Variants in RAB3IP observed in about 807,000 individuals in gnomAD.
The protein encoded by RAB3IP is rab-3A-interacting protein.
RAB3IP carries 36 observed loss-of-function variants against 59.1 expected under a neutral mutation model. That is an observed-to-expected ratio of 0.61 (90% CI 0.47 to 0.80). The LOEUF is 0.80. RAB3IP is among the 30% of genes least tolerant of loss of function. The pLI is 0.00. For missense variants in RAB3IP, 511 were observed against 536.0 expected, an observed-to-expected ratio of 0.95 and a Z score of 0.46; for synonymous variants, 207 against 191.2, an observed-to-expected ratio of 1.08 and a Z score of -0.68.
At chr12:69,766,037 G>T (rs1327185585) in intron 3 of RAB3IP, among the ~76,000 whole-genome samples, 1 of 152,170 alleles carries the variant, frequency 6.6e-6, no homozygotes. Context: ...CCATTTGTAT[G>T]TGATTATGTA....
In RAB3IP at chr12:69,815,540, C is replaced by G; in HGVS notation, c.*94C>G. 1 of 915,298 alleles carries G rather than the reference C, an allele frequency of 1.1e-6. No individual in the cohort carries two copies. The highest frequency in any genetic ancestry group is 2.5e-5 in the East Asian group (1 of 40,230). 56.7% of individuals were successfully genotyped at this position (915,298 alleles called of 1,614,324 possible). ...TTGATATTTATTTCCAAGGAGTGAG[C>G]CTAAGACTTTTTTCCCCTTTTGCAA... On this transcript the variant is annotated 3_prime_UTR_variant, in exon 11 of 11. Transcript: ENST00000247833.
At chr12:69,768,507 G>A (rs1188713111) in intron 3 of RAB3IP, among the ~76,000 whole-genome samples, 1 of 152,138 alleles carries the variant, frequency 6.6e-6, no homozygotes, top group Non-Finnish European at 1.5e-5. Context: ...GAAAGGTGGG[G>A]CTGCTCAGGC....
At chr12:69,797,821 G>A (rs1294213077) in intron 6 of RAB3IP, among the ~76,000 whole-genome samples, 5 of 151,928 alleles carry the variant, frequency 3.3e-5, no homozygotes, top group South Asian at 2.1e-4. Context: ...ATGATTTCCA[G>A]TTTCATCCAT....
chr12:69,750,734 T>C (rs1869142338), intron 1 of RAB3IP, among the ~76,000 whole-genome samples: 1 of 151,774 alleles, frequency 6.6e-6, no homozygotes, highest in Non-Finnish European at 1.5e-5. Context: ...TTCTTTTTTT[T>C]TTTTTTCTTA....
chr12:69,795,512 C>A, intron 6 of RAB3IP, 168 bp downstream of exon 6: 1 of 613,466 alleles, frequency 1.6e-6, no homozygotes, highest in Admixed American at 2.9e-5. Flanking sequence ...TTCTTCAGTT[C>A]CATTTTCTAC....
rs772832674 is a variant in RAB3IP, at chr12:69,756,399, T to C, written c.252-6T>C. On this transcript the variant is annotated splice_region_variant and splice_polypyrimidine_tract_variant and intron_variant, in intron 2 of 10. Transcript: ENST00000247833. ...ATTTTCTGAAAAATGTCTCTCTCCT[T>C]TACAGCTTTCATGTTACAGACCCAG... The C allele has an allele frequency of 6.2e-7, 1 of 1,612,990 alleles. No homozygotes were observed. The highest frequency in any genetic ancestry group is 8.5e-7 in the Non-Finnish European group (1 of 1,179,604).
At position 69,815,345 on chromosome 12, in the gene RAB3IP, C is replaced by CTTTTT. The variant is rs1565937749; in HGVS notation, c.1301-18_1301-17insTTTTT. On this transcript the variant is annotated intron_variant, in intron 10 of 10. Coordinates refer to ENST00000247833, the MANE Select transcript of RAB3IP (RefSeq NM_022456.5). ...ATGGTATTTTATGATTTAAATATCTCTCTTTTCTGTTTGTATAGTTGATCA... is the reference window on the plus strand; with the variant it reads ...ATGGTATTTTATGATTTAAATATCTCTTTTTTCTTTTCTGTTTGTATAGTTGATCA... The CTTTTT allele has an allele frequency of 6.5e-7, 1 of 1,533,552 alleles. No homozygotes were observed. Among genetic ancestry groups the CTTTTT allele is most frequent in the African/African-American group, 1.4e-5 (1 of 73,174 alleles). 95.0% of individuals were successfully genotyped at this position (1,533,552 alleles called of 1,614,324 possible).
chr12:69,794,327 C>T, intron 4 of RAB3IP, 110 bp from the exon 5 acceptor site: 2 of 795,864 alleles, frequency 2.5e-6, no homozygotes, highest in East Asian at 5.1e-5. Context: ...TACTTAACTT[C>T]AGGCTAACTT....
At position 69,763,639 on chromosome 12, in the gene RAB3IP, G is replaced by A. The variant is rs140122821; in HGVS notation, c.510+6976G>A. ...TCTTCAACTTTTATTTTAAATTTAG[G>A]GGGTATATGTGCAGGTATATTACCT... On this transcript the variant is annotated intron_variant, in intron 3 of 10. Coordinates refer to ENST00000247833, the MANE Select transcript of RAB3IP (RefSeq NM_022456.5). Among the ~76,000 whole-genome samples the A allele has an allele frequency of 4.1e-4, 63 of 151,998 alleles. 1 individual carries two copies. The highest frequency in any genetic ancestry group is 1.5e-3 in the African/African-American group (61 of 41,402).
At chr12:69,739,894 C>T in intron 1 of RAB3IP, 3 of 1,612,884 alleles carry the variant, frequency 1.9e-6, no homozygotes, top group South Asian at 1.1e-5. Context: ...GACACGAGCG[C>T]TGAGTTAGTT....
At chr12:69,797,539 A>G (rs1480535966) in intron 6 of RAB3IP, among the ~76,000 whole-genome samples, 1 of 33,356 alleles carries the variant, frequency 3.0e-5, no homozygotes, top group Non-Finnish European at 6.3e-5. Flanking sequence ...AATTATTGTT[A>G]TACTTTAAGT....
rs371305669 is a variant in RAB3IP, at chr12:69,789,524, C to T, written c.606+4709C>T. Among the ~76,000 whole-genome samples the T allele has an allele frequency of 8.5e-5, 13 of 152,190 alleles. No homozygotes were observed. In the East Asian group the frequency reaches 1.3e-3, roughly 16 times the overall value. Reference sequence around the variant, plus strand: ...ATTCTACCAACATTCAAAGAAGAATCAGTGCCAATTCTTTTTACACTCTTA... The same window carrying T: ...ATTCTACCAACATTCAAAGAAGAATTAGTGCCAATTCTTTTTACACTCTTA... On this transcript the variant is annotated intron_variant, in intron 4 of 10. Coordinates refer to ENST00000247833, the MANE Select transcript of RAB3IP (RefSeq NM_022456.5).
Position 69,815,612 on chromosome 12 carries a change from T to C in RAB3IP, c.*166T>C, listed in dbSNP as rs1013355743. On this transcript the variant is annotated 3_prime_UTR_variant, in exon 11 of 11. Transcript: ENST00000247833. Reference sequence around the variant, plus strand: ...ATTTCTTTTAAACTGATCTATGCTGTGTTTGCTTATTCTTTAGTTGAACAC... The same window carrying C: ...ATTTCTTTTAAACTGATCTATGCTGCGTTTGCTTATTCTTTAGTTGAACAC... 13 of 462,348 alleles carry C rather than the reference T, an allele frequency of 2.8e-5. No individual in the cohort carries two copies. The highest frequency in any genetic ancestry group is 2.6e-4 in the African/African-American group (13 of 50,352). The allele number at this position is 462,348 out of a possible 1,614,324, so 28.6% of individuals were successfully genotyped here.
chr12:69,759,513 G>A (rs1167446583), intron 3 of RAB3IP, among the ~76,000 whole-genome samples: 3 of 152,024 alleles, frequency 2.0e-5, no homozygotes, highest in South Asian at 2.1e-4. Flanking sequence ...CCTCCCAGAC[G>A]GGGTGGTGGC....
chr12:69,758,228 T>C (rs1870538151), intron 3 of RAB3IP, among the ~76,000 whole-genome samples: 1 of 152,208 alleles, frequency 6.6e-6, no homozygotes, highest in Non-Finnish European at 1.5e-5. Flanking sequence ...GAGTTTCTTA[T>C]AGATAGTGTA....
chr12:69,802,464 G>A (rs747891663), intron 8 of RAB3IP, among the ~76,000 whole-genome samples: 7 of 152,190 alleles, frequency 4.6e-5, no homozygotes, highest in Non-Finnish European at 8.8e-5. Context: ...CTATAAGGAG[G>A]AATGACTGAA....
rs1881738217 is a variant in RAB3IP at position 69,821,473 on chromosome 12, T to TA, written c.*6028dup. The TA allele has an allele frequency of 6.6e-6, 1 of 152,220 alleles. No homozygotes were observed. Among genetic ancestry groups the TA allele is most frequent in the Non-Finnish European group, 1.5e-5 (1 of 68,030 alleles). The allele number at this position is 152,220 out of a possible 1,614,324, so 9.4% of individuals were successfully genotyped here. ...GTGGAGTGCTCTGGATTCTGATTAATAGAGATTTTCTAGTCCTCCCAGCAA... is the reference window on the plus strand; with the variant it reads ...GTGGAGTGCTCTGGATTCTGATTAATAAGAGATTTTCTAGTCCTCCCAGCAA... On this transcript the variant is annotated 3_prime_UTR_variant, in exon 11 of 11. Coordinates refer to ENST00000247833, the MANE Select transcript of RAB3IP (RefSeq NM_022456.5).
rs146570199 is a variant in RAB3IP at position 69,801,617 on chromosome 12, A to G, written c.1026A>G (p.Ser342=). Reference sequence around the variant, plus strand: ...TTTTCTTTTTTTTTAAGTTGGCTTCAGCTGTTCTGGAGGCTGTGGAAAACA... The same window carrying G: ...TTTTCTTTTTTTTTAAGTTGGCTTCGGCTGTTCTGGAGGCTGTGGAAAACA... The part of the protein sequence containing the change: ...CLTFSKSELA[S]AVLEAVENNT... Residue 342 remains serine, a synonymous_variant, in exon 8 of 11, where the codon TCA becomes TCG. Transcript: ENST00000247833. The G allele has an allele frequency of 1.2e-6, 2 of 1,606,872 alleles. No individual in the cohort carries two copies. The highest frequency in any genetic ancestry group is 1.1e-5 in the South Asian group (1 of 90,062).
chr12:69,747,499 G>A (rs936298103), intron 1 of RAB3IP, among the ~76,000 whole-genome samples: 1 of 152,110 alleles, frequency 6.6e-6, no homozygotes, highest in Non-Finnish European at 1.5e-5. Context: ...ATGGGGTCTC[G>A]CTATGTTGCT....
Sources: allele counts gnomAD v4.1 joint callset (sites outside exome capture counted in the v4.1 genomes callset), GRCh38; gene constraint gnomAD v4.1.1; transcripts MANE v1.5; gene names NCBI Gene and HGNC (gene_info 2026-07-23, HGNC 2026-07-21).